Variants in ARMC2 observed in about 807,000 individuals in gnomAD.
ARMC2 encodes the protein armadillo repeat containing 2, also known as armadillo repeat-containing protein 2.
In ARMC2, 67 loss-of-function variants were observed where a neutral mutation model predicts 90.3. The ratio of observed to expected loss-of-function variants is 0.74; its 90% CI spans 0.61 to 0.91. The LOEUF (loss-of-function observed/expected upper bound fraction) is 0.91. Among genes scored for constraint, ARMC2 ranks in the 40% least tolerant of loss-of-function variants. The probability of loss-of-function intolerance (pLI) is 0.00; values close to 1 mark genes in which losing one functional copy is unlikely to be tolerated. For synonymous variants in ARMC2, 393 were observed against 393.0 expected, an observed-to-expected ratio of 1.00 and a Z score of 0.00; for missense variants, 920 against 1,030.9, an observed-to-expected ratio of 0.89 and a Z score of 1.47.
chr6:108,865,397 C>A (rs752862475), intron 3 of ARMC2, among the ~76,000 whole-genome samples: 1 of 152,080 alleles, frequency 6.6e-6, no homozygotes, highest in African/African-American at 2.4e-5. Context: ...TACTCCACAG[C>A]GTGAAAGAAC....
the ARMC2 span, among the ~76,000 whole-genome samples, chr6:109,024,807 T>C: frequency 6.6e-6 from 1 of 152,230 alleles, no homozygotes; most frequent in African/African-American, 2.4e-5. Flanking sequence ...GTGAGTATCG[T>C]ACTACTTTCC....
intron 1 of ARMC2, 69 bp downstream of exon 1, chr6:108,848,615 C>T (rs960288433): frequency 6.6e-6 from 1 of 152,632 alleles, no homozygotes; most frequent in Non-Finnish European, 1.5e-5. Flanking sequence ...GCCCGCCTCT[C>T]CCGCCCTGCA....
At chr6:108,850,809 G>T (rs1768612994) in intron 1 of ARMC2, among the ~76,000 whole-genome samples, 2 of 152,144 alleles carry the variant, frequency 1.3e-5, no homozygotes, top group Admixed American at 1.3e-4. Context: ...AGAGTCTCGG[G>T]CCAACACCAC....
At chr6:109,009,440 CGCG>C in the ARMC2 span, 1 of 1,368,250 alleles carries the variant, frequency 7.3e-7, no homozygotes, top group South Asian at 1.7e-5. Context: ...ACGCCTCGTT[CGCG>C]GCGGCGGCCA....
Position 108,959,531 on chromosome 6 carries a change from T to G in ARMC2, c.1916-2041T>G, listed in dbSNP as rs1684688149. The stretch of plus-strand genomic sequence containing the variant: ...GGCCTCTGGAGCAGGTGAGACCAGG[T>G]GGAGAAGGACTGGGGGCTCTCCCAA... On this transcript the variant is annotated intron_variant, in intron 13 of 17. Coordinates refer to ENST00000392644, the MANE Select transcript of ARMC2 (RefSeq NM_032131.6). The G allele has an allele frequency of 2.0e-5, 3 of 152,414 alleles. No individual in the cohort carries two copies. The South Asian group carries it at 6.2e-4, about 32-fold the overall frequency. The allele number at this position is 152,414 out of a possible 1,614,324, so 9.4% of individuals were successfully genotyped here.
chr6:109,007,471 A>T, the ARMC2 span, among the ~76,000 whole-genome samples: 2 of 152,306 alleles, frequency 1.3e-5, no homozygotes, highest in Middle Eastern at 3.4e-3. Flanking sequence ...TCGCTACACT[A>T]TTACTGTTGT....
At chr6:108,878,826 A>G (rs1035396143) in intron 5 of ARMC2, among the ~76,000 whole-genome samples, 7 of 152,294 alleles carry the variant, frequency 4.6e-5, no homozygotes, top group Non-Finnish European at 4.4e-5. Context: ...CTTGCTTTGT[A>G]TTACTATATG....
At chr6:108,909,488 TG>T (rs1445585077) in intron 8 of ARMC2, among the ~76,000 whole-genome samples, 3 of 152,158 alleles carry the variant, frequency 2.0e-5, no homozygotes, top group Middle Eastern at 3.4e-3. Context: ...TATCACCCCA[TG>T]TTTAATTTAC....
At chr6:109,007,324 G>A in the ARMC2 span, among the ~76,000 whole-genome samples, 3 of 152,172 alleles carry the variant, frequency 2.0e-5, no homozygotes, top group Non-Finnish European at 2.9e-5. Flanking sequence ...TTATGCATCT[G>A]TATCAATATC....
intron 3 of ARMC2, among the ~76,000 whole-genome samples, chr6:108,861,759 A>G (rs1369771435): frequency 2.6e-5 from 4 of 152,110 alleles, no homozygotes; most frequent in African/African-American, 9.7e-5. Flanking sequence ...CGGTGGCTCT[A>G]CCTTATTGTA....
the ARMC2 span, among the ~76,000 whole-genome samples, chr6:109,043,242 C>T: frequency 8.4e-4 from 128 of 152,168 alleles, 1 homozygote; most frequent in Non-Finnish European, 6.2e-4. Context: ...TTATACTTAA[C>T]GGTGAAAGAT....
At chr6:108,892,261 C>T (rs913402259) in intron 5 of ARMC2, among the ~76,000 whole-genome samples, 4 of 152,092 alleles carry the variant, frequency 2.6e-5, no homozygotes, top group Non-Finnish European at 5.9e-5. Flanking sequence ...TACCTTTTTG[C>T]AAGGTTGATT....
intron 12 of ARMC2, among the ~76,000 whole-genome samples, chr6:108,947,356 CTTCACCAGTG>C (rs1776874936): frequency 6.6e-6 from 1 of 152,194 alleles, no homozygotes; most frequent in Non-Finnish European, 1.5e-5. Flanking sequence ...TGCCTCTTCT[CTTCACCAGTG>C]TTTGACTTTG....
chr6:108,953,616 TG>T (rs1777361111), intron 13 of ARMC2, among the ~76,000 whole-genome samples: 2 of 152,242 alleles, frequency 1.3e-5, no homozygotes, highest in Admixed American at 1.3e-4. Context: ...GTGAATTTTA[TG>T]GTTTGTGAAT....
intron 12 of ARMC2, among the ~76,000 whole-genome samples, chr6:108,937,863 TG>T (rs1181910836): frequency 2.8e-4 from 42 of 151,994 alleles, no homozygotes; most frequent in African/African-American, 1.0e-3. Flanking sequence ...TGGCTAATTT[TG>T]TTTTTGTACT....
chr6:108,957,674 G>A (rs1032090119), intron 13 of ARMC2, among the ~76,000 whole-genome samples: 1 of 152,140 alleles, frequency 6.6e-6, no homozygotes, highest in Non-Finnish European at 1.5e-5. Flanking sequence ...GGAGTTACTT[G>A]TACCCCAGGA....
the ARMC2 span, among the ~76,000 whole-genome samples, chr6:109,040,572 C>G: frequency 5.0e-4 from 76 of 152,084 alleles, no homozygotes; most frequent in African/African-American, 1.8e-3. Flanking sequence ...TAAATTAAAA[C>G]AGGAATTCTT....
chr6:108,947,184 G>A (rs1295702488), intron 12 of ARMC2, among the ~76,000 whole-genome samples: 1 of 152,122 alleles, frequency 6.6e-6, no homozygotes, highest in African/African-American at 2.4e-5. Flanking sequence ...AGATGACAGA[G>A]TCGAGGAGAC....
intron 10 of ARMC2, among the ~76,000 whole-genome samples, chr6:108,920,398 T>C (rs997298031): frequency 1.3e-5 from 2 of 152,152 alleles, no homozygotes; most frequent in Admixed American, 1.3e-4. Flanking sequence ...TTTCTACTTA[T>C]GGGGCTTCCT....
Sources: gnomAD v4.1 joint callset for allele counts (sites outside exome capture counted in the v4.1 genomes callset) on GRCh38, gnomAD v4.1.1 for gene constraint, MANE v1.5 for transcripts, NCBI Gene and HGNC (gene_info 2026-07-23, HGNC 2026-07-21) for gene names.